The following CDH8 variants were observed in gnomAD, a reference collection of about 807,000 sequenced individuals.
CDH8 encodes the protein cadherin 8, also known as cadherin-8.
CDH8 carries 17 observed loss-of-function variants against 68.1 expected under a neutral mutation model. The observed-to-expected ratio is 0.25, with a 90% CI of 0.17 to 0.37. CDH8 has a LOEUF of 0.37. Ranked by LOEUF, CDH8 falls within the 10% of genes least tolerant of loss-of-function variation. The pLI, the probability that CDH8 is intolerant of heterozygous loss-of-function variation, is 1.00. For synonymous variants in CDH8, 372 were observed against 365.1 expected, an observed-to-expected ratio of 1.02 and a Z score of -0.21; for missense variants, 763 against 999.3, an observed-to-expected ratio of 0.76 and a Z score of 3.19.
At chr16:61,661,354 A>G (rs900390337) in intron 10 of CDH8, among the ~76,000 whole-genome samples, 2 of 151,844 alleles carry the variant, frequency 1.3e-5, no homozygotes, top group Non-Finnish European at 2.9e-5. Context: ...GCCATAAAAC[A>G]AACCTCAATA....
Position 61,960,396 on chromosome 16 carries a change from T to C in CDH8, c.253-58923A>G, listed in dbSNP as rs796683812. 3.1e-4 allele frequency among the ~76,000 whole-genome samples: 41 copies of C among 130,656 alleles called. 4 individuals carry two copies. The South Asian group carries it at 8.6e-3, about 27-fold the overall frequency. The allele number at this position is 130,656 out of a possible 152,430, so 85.7% of individuals were successfully genotyped here. A position where few individuals can be genotyped will look rare whatever the true frequency, so the allele number is the denominator to read the frequency against. On this transcript the variant is annotated intron_variant, in intron 2 of 11. Coordinates refer to ENST00000577390, the MANE Select transcript of CDH8 (RefSeq NM_001796.5). Reference sequence around the variant, plus strand: ...ATATACATGTGTGTGTGTATACACATACATATATACATATATGTGTGTGTG... The same window carrying C: ...ATATACATGTGTGTGTGTATACACACACATATATACATATATGTGTGTGTG...
At chr16:61,890,186 G>T (rs1963749182) in intron 3 of CDH8, among the ~76,000 whole-genome samples, 1 of 152,246 alleles carries the variant, frequency 6.6e-6, no homozygotes, top group East Asian at 1.9e-4. Flanking sequence ...AGTAGAAAAT[G>T]TATTTCTAAA....
At chr16:61,922,720 C>A (rs1459454873) in intron 2 of CDH8, among the ~76,000 whole-genome samples, 1 of 152,046 alleles carries the variant, frequency 6.6e-6, no homozygotes, top group Non-Finnish European at 1.5e-5. Context: ...ATGCTATGTC[C>A]AGGTTTTTGA....
intron 2 of CDH8, among the ~76,000 whole-genome samples, chr16:62,010,895 A>G (rs946283302): frequency 6.6e-6 from 1 of 151,738 alleles, no homozygotes; most frequent in African/African-American, 2.4e-5. Context: ...GTGAGCCAAG[A>G]TCACACCATT....
At chr16:61,835,784 A>T (rs1962556618) in intron 4 of CDH8, among the ~76,000 whole-genome samples, 1 of 151,992 alleles carries the variant, frequency 6.6e-6, no homozygotes, top group Non-Finnish European at 1.5e-5. Context: ...TTAAAAAAGC[A>T]AAGTGAAAGT....
At chr16:61,713,217 G>A (rs1350478009) in intron 10 of CDH8, among the ~76,000 whole-genome samples, 4 of 151,486 alleles carry the variant, frequency 2.6e-5, no homozygotes, top group African/African-American at 9.7e-5. Context: ...AAATAGTATA[G>A]TTAAAGAAAA....
At position 61,966,356 on chromosome 16, in the gene CDH8, G is replaced by A. The variant is rs1336116678; in HGVS notation, c.252+54796C>T. ...AGATCTAGACAACCTTGGCCAACATGGTGAAACCCCATCTTTACTAAAAAT... is the reference window on the plus strand; with the variant it reads ...AGATCTAGACAACCTTGGCCAACATAGTGAAACCCCATCTTTACTAAAAAT... On this transcript the variant is annotated intron_variant, in intron 2 of 11. Transcript: ENST00000577390. 2.0e-5 allele frequency among the ~76,000 whole-genome samples: 3 copies of A among 152,086 alleles called. No individual in the cohort carries two copies. The East Asian group carries it at 5.8e-4, about 30-fold the overall frequency.
intron 10 of CDH8, among the ~76,000 whole-genome samples, chr16:61,684,383 C>G (rs1355419779): frequency 6.6e-6 from 1 of 151,820 alleles, no homozygotes; most frequent in African/African-American, 2.4e-5. Context: ...AGAAGAAGAA[C>G]CCTGAGAGTT....
intron 2 of CDH8, among the ~76,000 whole-genome samples, chr16:61,992,941 A>G (rs2150590814): frequency 6.6e-6 from 1 of 152,106 alleles, no homozygotes; most frequent in East Asian, 1.9e-4. Context: ...GCAGGCTGCC[A>G]CACCTGACTA....
chr16:61,682,676 AAC>A (rs934255764), intron 10 of CDH8, among the ~76,000 whole-genome samples: 13 of 151,876 alleles, frequency 8.6e-5, no homozygotes, highest in Admixed American at 3.3e-4. Context: ...AAAAAAAAAA[AAC>A]ATGTGTTTTG....
chr16:61,950,805 C>T (rs1021287971), intron 2 of CDH8, among the ~76,000 whole-genome samples: 1 of 152,078 alleles, frequency 6.6e-6, no homozygotes, highest in Non-Finnish European at 1.5e-5. Context: ...GAAACTCAAA[C>T]ATTGCATGTT....
At chr16:62,032,985 CT>C (rs1223176896) in intron 1 of CDH8, among the ~76,000 whole-genome samples, 1 of 152,164 alleles carries the variant, frequency 6.6e-6, no homozygotes, top group Non-Finnish European at 1.5e-5. Flanking sequence ...TGAAAGGAAC[CT>C]GGAAAGCAAA....
intron 10 of CDH8, among the ~76,000 whole-genome samples, chr16:61,708,253 T>C (rs1407349985): frequency 6.6e-6 from 1 of 152,178 alleles, no homozygotes; most frequent in Non-Finnish European, 1.5e-5. Flanking sequence ...CTGATGCAAT[T>C]CAAAACTTTG....
At chr16:61,657,544 AC>A (rs1251796264) in intron 10 of CDH8, among the ~76,000 whole-genome samples, 1 of 152,124 alleles carries the variant, frequency 6.6e-6, no homozygotes, top group Non-Finnish European at 1.5e-5. Flanking sequence ...AGATGGAAAT[AC>A]CAGTAAGCTA....
chr16:61,984,142 C>T (rs1965588540), intron 2 of CDH8, among the ~76,000 whole-genome samples: 1 of 152,000 alleles, frequency 6.6e-6, no homozygotes, highest in African/African-American at 2.4e-5. Flanking sequence ...TTGTCTCGAA[C>T]TCCTAGACCT....
intron 10 of CDH8, among the ~76,000 whole-genome samples, chr16:61,668,683 A>AAAC (rs1555501186): frequency 1.8e-4 from 27 of 151,658 alleles, no homozygotes; most frequent in Admixed American, 4.0e-4. Flanking sequence ...AAAAAAAACA[A>AAAC]ACACACACCA....
chr16:61,928,008 T>C (rs980109200), intron 2 of CDH8, among the ~76,000 whole-genome samples: 1 of 152,232 alleles, frequency 6.6e-6, no homozygotes, highest in Non-Finnish European at 1.5e-5. Flanking sequence ...CTGAATTGCA[T>C]TTTGCATGCA....
chr16:62,005,693 G>C (rs1250048737), intron 2 of CDH8, among the ~76,000 whole-genome samples: 1 of 136,056 alleles, frequency 7.3e-6, no homozygotes, highest in Middle Eastern at 5.7e-3. Context: ...CCCAGATCAC[G>C]CCACTGCATT....
intron 7 of CDH8, among the ~76,000 whole-genome samples, chr16:61,803,464 C>A (rs1474388604): frequency 9.5e-5 from 14 of 147,578 alleles, no homozygotes; most frequent in Non-Finnish European, 2.1e-4. Flanking sequence ...TCACACATAA[C>A]AATATTAACT....
Sources: gnomAD v4.1 joint callset for allele counts (sites outside exome capture counted in the v4.1 genomes callset) on GRCh38, gnomAD v4.1.1 for gene constraint, MANE v1.5 for transcripts, NCBI Gene and HGNC (gene_info 2026-07-23, HGNC 2026-07-21) for gene names.